MAGI2: variants seen among roughly 807,000 people sequenced by gnomAD.
MAGI2 encodes the protein membrane-associated guanylate kinase, WW and PDZ domain-containing protein 2.
Under a neutral mutation model 133.3 loss-of-function variants are expected in MAGI2, and 35 were observed. The ratio of observed to expected loss-of-function variants is 0.26; its 90% CI spans 0.20 to 0.35. The LOEUF (loss-of-function observed/expected upper bound fraction) is 0.35, where lower values mean the gene tolerates loss of function less well. Among genes scored for constraint, MAGI2 ranks in the 10% least tolerant of loss-of-function variants. The pLI is 1.00. For missense variants in MAGI2, 1,636 were observed against 1,863.4 expected (o/e 0.88, Z 2.25); for synonymous variants, 729 against 710.6 (o/e 1.03, Z -0.41).
chr7:78,442,339 T>C (rs547267936), intron 6 of MAGI2, among the ~76,000 whole-genome samples: 5 of 152,314 alleles, frequency 3.3e-5, no homozygotes, highest in South Asian at 2.1e-4. Flanking sequence ...TTGGTACAAA[T>C]TGGTTAAGCT....
At chr7:79,262,893 C>A (rs982454535) in intron 1 of MAGI2, among the ~76,000 whole-genome samples, 5 of 152,138 alleles carry the variant, frequency 3.3e-5, no homozygotes, top group Admixed American at 2.6e-4. Context: ...TTGAGAGGTG[C>A]CTTTTCAAAA....
chr7:78,417,185 C>G (rs1405469431), intron 6 of MAGI2, among the ~76,000 whole-genome samples: 1 of 151,932 alleles, frequency 6.6e-6, no homozygotes, highest in Admixed American at 6.6e-5. Context: ...TATCTATCAT[C>G]TAATTTCTTG....
intron 1 of MAGI2, among the ~76,000 whole-genome samples, chr7:79,285,638 C>A (rs1835943946): frequency 6.6e-6 from 1 of 152,000 alleles, no homozygotes; most frequent in South Asian, 2.1e-4. Context: ...AATCTTTAGA[C>A]AAATGGAACA....
intron 1 of MAGI2, among the ~76,000 whole-genome samples, chr7:79,424,260 CT>C (rs11377165): frequency 3.7e-4 from 55 of 147,036 alleles, no homozygotes; most frequent in East Asian, 1.4e-3. Flanking sequence ...TTTTTCTTTT[CT>C]TTTTTTTTTT....
At chr7:78,912,685 C>A (rs192985862) in intron 2 of MAGI2, among the ~76,000 whole-genome samples, 1 of 149,336 alleles carries the variant, frequency 6.7e-6, no homozygotes, top group African/African-American at 2.5e-5. Flanking sequence ...ACCTTGTGTT[C>A]GTGTGAGTTA....
chr7:78,061,519 A>G (rs1170844591), intron 21 of MAGI2, among the ~76,000 whole-genome samples: 3 of 152,004 alleles, frequency 2.0e-5, no homozygotes, highest in African/African-American at 7.3e-5. Flanking sequence ...CCCCTTAATT[A>G]ATAGGTGATT....
intron 21 of MAGI2, among the ~76,000 whole-genome samples, chr7:78,061,989 C>T (rs1040447256): frequency 5.9e-5 from 9 of 152,172 alleles, no homozygotes; most frequent in Non-Finnish European, 1.3e-4. Context: ...TTGGGCAGAG[C>T]ATGCCTGTTT....
intron 3 of MAGI2, among the ~76,000 whole-genome samples, chr7:78,538,633 G>A (rs1358727982): frequency 6.6e-6 from 1 of 152,094 alleles, no homozygotes; most frequent in Non-Finnish European, 1.5e-5. Flanking sequence ...TTCTTGATTT[G>A]TTTCTCACCT....
chr7:78,968,559 G>T (rs930295466), intron 2 of MAGI2, among the ~76,000 whole-genome samples: 1 of 151,712 alleles, frequency 6.6e-6, no homozygotes, highest in Non-Finnish European at 1.5e-5. Flanking sequence ...TTTCTTATTA[G>T]CATTGATAAG....
intron 1 of MAGI2, among the ~76,000 whole-genome samples, chr7:79,076,205 C>T (rs1013571): frequency 0.76 from 115,882 of 152,052 alleles, 45,480 homozygotes; most frequent in Non-Finnish European, 0.86. Context: ...TCAAACTTTC[C>T]ATTGCATCCT....
chr7:78,882,726 T>C (rs923747613), intron 2 of MAGI2, among the ~76,000 whole-genome samples: 5 of 152,146 alleles, frequency 3.3e-5, no homozygotes, highest in South Asian at 2.1e-4. Context: ...TAAATGTGAT[T>C]CATCAAATAA....
intron 1 of MAGI2, among the ~76,000 whole-genome samples, chr7:79,374,445 C>A (rs1192062873): frequency 1.3e-5 from 2 of 151,764 alleles, no homozygotes; most frequent in African/African-American, 4.8e-5. Flanking sequence ...TGGAAAAGAG[C>A]CCTCACTCTG....
At chr7:78,482,661 C>T (rs1792517849) in intron 6 of MAGI2, among the ~76,000 whole-genome samples, 1 of 151,784 alleles carries the variant, frequency 6.6e-6, no homozygotes, top group Non-Finnish European at 1.5e-5. Flanking sequence ...AAAGTTTACA[C>T]ACATTGTGAT....
At chr7:78,915,685 A>G (rs1798740789) in intron 2 of MAGI2, among the ~76,000 whole-genome samples, 1 of 151,762 alleles carries the variant, frequency 6.6e-6, no homozygotes, top group Non-Finnish European at 1.5e-5. Context: ...ACAGAAGAGT[A>G]CACTTGTTTT....
chr7:79,426,657 T>A (rs766546513), intron 1 of MAGI2, among the ~76,000 whole-genome samples: 1 of 152,180 alleles, frequency 6.6e-6, no homozygotes, highest in Non-Finnish European at 1.5e-5. Context: ...TCTACAAATA[T>A]GTCAAATTAA....
At chr7:78,090,394 C>T (rs1184935293) in intron 20 of MAGI2, among the ~76,000 whole-genome samples, 1 of 152,024 alleles carries the variant, frequency 6.6e-6, no homozygotes, top group Non-Finnish European at 1.5e-5. Context: ...ATGATAAAAC[C>T]TTGCAGTGGG....
intron 1 of MAGI2, among the ~76,000 whole-genome samples, chr7:79,235,060 G>A (rs28856953): frequency 0.19 from 28,555 of 151,364 alleles, 2,789 homozygotes; most frequent in African/African-American, 0.22. Flanking sequence ...GCCGTGTGAG[G>A]TGTCAGTGTG....
In MAGI2 at chr7:78,135,148, T is replaced by G; in HGVS notation, c.2904A>C (p.Lys968Asn). The G allele has an allele frequency of 6.2e-7, 1 of 1,614,130 alleles. No individual in the cohort carries two copies. Among genetic ancestry groups the G allele is most frequent in the Non-Finnish European group, 8.5e-7 (1 of 1,180,038 alleles). Residue 968 changes from lysine (K) to asparagine (N), a missense_variant, in exon 17 of 22, where the codon AAA becomes AAC. Lys to Asn is a moderately conservative substitution (Grantham distance 94). Coordinates refer to ENST00000354212, the MANE Select transcript of MAGI2 (RefSeq NM_012301.4). ...IDGSPADRCA[K>N]LKVGDRILAV... is the part of the protein sequence containing the mutation. ...CTAGGATCCGGTCTCCCACTTTTAG[T>G]TTTGCACAGCGATCTGCAGGACTCC...
chr7:79,130,637 G>A (rs535111641), intron 1 of MAGI2, among the ~76,000 whole-genome samples: 3 of 152,132 alleles, frequency 2.0e-5, no homozygotes, highest in Non-Finnish European at 4.4e-5. Context: ...CAATAACAGT[G>A]CCCTACATCA....
Sources: allele counts gnomAD v4.1 joint callset (sites outside exome capture counted in the v4.1 genomes callset), GRCh38; gene constraint gnomAD v4.1.1; transcripts MANE v1.5; gene names NCBI Gene and HGNC (gene_info 2026-07-23, HGNC 2026-07-21).